The following LAMA1 variants were observed in gnomAD, a reference collection of about 807,000 sequenced individuals.
The protein encoded by LAMA1 is laminin subunit alpha 1.
Under a neutral mutation model 348.7 loss-of-function variants are expected in LAMA1, and 219 were observed. The observed-to-expected ratio is 0.63, with a 90% CI of 0.56 to 0.70. The LOEUF (loss-of-function observed/expected upper bound fraction) is 0.70, where lower values mean the gene tolerates loss of function less well. Ranked by LOEUF, LAMA1 falls within the 30% of genes least tolerant of loss-of-function variation. The probability of loss-of-function intolerance (pLI) is 0.00; values close to 1 mark genes in which losing one functional copy is unlikely to be tolerated. For synonymous variants in LAMA1, 1,487 were observed against 1,491.0 expected, an observed-to-expected ratio of 1.00 and a Z score of 0.06; for missense variants, 3,744 against 3,888.0, an observed-to-expected ratio of 0.96 and a Z score of 0.99.
At chr18:7,071,285 C>T (rs1393293560) in intron 3 of LAMA1, among the ~76,000 whole-genome samples, 4 of 152,154 alleles carry the variant, frequency 2.6e-5, no homozygotes, top group Admixed American at 6.5e-5. Flanking sequence ...TGCAAAGAGG[C>T]GATCACTCGC....
intron 3 of LAMA1, among the ~76,000 whole-genome samples, chr18:7,063,722 A>G (rs1395238365): frequency 6.6e-6 from 1 of 152,238 alleles, no homozygotes; most frequent in Non-Finnish European, 1.5e-5. Context: ...CCTTGAGGAC[A>G]TTATGTACGC....
intron 19 of LAMA1, among the ~76,000 whole-genome samples, chr18:7,021,062 C>A (rs1266540091): frequency 6.6e-6 from 1 of 152,188 alleles, no homozygotes; most frequent in South Asian, 2.1e-4. Context: ...TCTGGTCACT[C>A]TCTCTCCAGT....
At chr18:6,979,283 T>TA (rs2057697419) in intron 42 of LAMA1, among the ~76,000 whole-genome samples, 1 of 152,300 alleles carries the variant, frequency 6.6e-6, no homozygotes, top group African/African-American at 2.4e-5. Context: ...TTTCCCCAGG[T>TA]AACTTCCATG....
intron 30 of LAMA1, among the ~76,000 whole-genome samples, chr18:7,000,749 G>A (rs891585098): frequency 6.6e-6 from 1 of 152,182 alleles, no homozygotes; most frequent in Non-Finnish European, 1.5e-5. Context: ...ACCAGTTAGA[G>A]CCAAGTCTGG....
Position 7,034,463 on chromosome 18 carries a change from C to T in LAMA1, c.2051+16G>A. 2 of 1,601,676 alleles carry T rather than the reference C, an allele frequency of 1.2e-6. No homozygotes were observed. Among genetic ancestry groups the T allele is most frequent in the South Asian group, 1.1e-5 (1 of 90,758 alleles). ...GTACCTTCACCGTAAGTTTTTCCTC[C>T]ATTTTCAATACATACCTGTAAAGAG... On this transcript the variant is annotated intron_variant, in intron 14 of 62. Coordinates refer to ENST00000389658, the MANE Select transcript of LAMA1 (RefSeq NM_005559.4).
chr18:6,982,363 A>G, intron 41 of LAMA1, 134 bp downstream of exon 41: 1 of 808,496 alleles, frequency 1.2e-6, no homozygotes, highest in Non-Finnish European at 2.2e-6. Flanking sequence ...ATATGATAGG[A>G]AATTGGAATA....
chr18:7,011,375 A>G lies in LAMA1; in HGVS notation c.3612T>C (p.Asp1204=), dbSNP rs1409413799. The change falls in exon 25 of 63, where the codon GAT becomes GAC. Residue 1204 remains aspartate (D), a synonymous_variant. Transcript: ENST00000389658. ...VYYQAPDFLL[D]AATVRQHIRA... ...GGATGTGCTGCCGGACGGTGGCGGC[A>G]TCCAGCAGGAAGTCGGGGGCCTGGT... 6.2e-7 allele frequency: 1 copy of G among 1,611,696 alleles called. No homozygotes were observed. Among genetic ancestry groups the G allele is most frequent in the Admixed American group, 1.7e-5 (1 of 59,758 alleles).
chr18:6,958,650 G>C lies in LAMA1; in HGVS notation c.7791C>G (p.Val2597=), dbSNP rs1300509393. The part of the protein sequence containing the change: ...SLVRNRRIIT[V]QLDENNPVEM... The stretch of plus-strand genomic sequence containing the variant: ...CCACAGGATTGTTCTCATCCAATTG[G>C]ACAGTGATAATTCTAAAAGACCAAT... Residue 2597 remains valine, a synonymous_variant, in exon 55 of 63, where the codon GTC becomes GTG. Coordinates refer to ENST00000389658, the MANE Select transcript of LAMA1 (RefSeq NM_005559.4). The C allele has an allele frequency of 1.2e-6, 2 of 1,613,586 alleles. No individual in the cohort carries two copies. Among genetic ancestry groups the C allele is most frequent in the Non-Finnish European group, 1.7e-6 (2 of 1,179,548 alleles).
chr18:7,060,563 G>C (rs1338234082), intron 3 of LAMA1, among the ~76,000 whole-genome samples: 1 of 152,102 alleles, frequency 6.6e-6, no homozygotes, highest in African/African-American at 2.4e-5. Flanking sequence ...GACAATCTAG[G>C]AATGCTCCCT....
At chr18:7,035,428 T>A (rs2483369) in intron 13 of LAMA1, among the ~76,000 whole-genome samples, 21,019 of 136,280 alleles carry the variant, frequency 0.15, 1,585 homozygotes, top group Middle Eastern at 0.24. Flanking sequence ...TTACTTAAAA[T>A]TTTTTTTTTT....
At chr18:7,098,893 G>A (rs1258248348) in intron 1 of LAMA1, among the ~76,000 whole-genome samples, 1 of 129,964 alleles carries the variant, frequency 7.7e-6, no homozygotes, top group East Asian at 2.5e-4. Context: ...GGAGGTGAGG[G>A]GCGCCTCTGC....
rs540948887 is a variant in LAMA1 at position 6,976,483 on chromosome 18, C to T, written c.6346-403G>A. Among the ~76,000 whole-genome samples the T allele has an allele frequency of 4.6e-5, 7 of 152,212 alleles. No homozygotes were observed. In the South Asian group the frequency reaches 1.2e-3, roughly 27 times the overall value. ...GCAGATATTTATAGAGCAATTATTG[C>T]ACTTACTACATATTTCTTTGACTAG... On this transcript the variant is annotated intron_variant, in intron 44 of 62. Transcript: ENST00000389658.
In LAMA1 at chr18:7,080,338, C is replaced by T. The variant is rs147676957; in HGVS notation, c.181G>A (p.Val61Ile). ...KLVEHVPGRP[V>I]RNPQCRICDG... The stretch of plus-strand genomic sequence containing the variant: ...CAGATCCGGCACTGTGGGTTTCGGA[C>T]GGGCCGACCTGGCACATGCTCCACA... Residue 61 changes from valine (V) to isoleucine (I), a missense_variant, in exon 2 of 63, where the codon GTC (valine) becomes ATC (isoleucine). Around this residue, in one of 3 missense-constraint regions of LAMA1, gnomAD observed 1,529 missense variants for 1,689.4 expected, o/e 0.91. Transcript: ENST00000389658. 2,998 of 1,614,238 alleles carry T rather than the reference C, an allele frequency of 1.9e-3. 5 individuals are homozygous for T. Among genetic ancestry groups the T allele is most frequent in the Non-Finnish European group, 2.3e-3 (2,756 of 1,180,048 alleles).
At chr18:7,020,413 C>T (rs1489757074) in intron 19 of LAMA1, among the ~76,000 whole-genome samples, 1 of 152,168 alleles carries the variant, frequency 6.6e-6, no homozygotes, top group African/African-American at 2.4e-5. Flanking sequence ...AACACCGGCA[C>T]TTGCACTTGG....
At position 6,950,843 on chromosome 18, in the gene LAMA1, AG is replaced by A; in HGVS notation, c.8335del (p.Gly2780AlafsTer32). On this transcript the variant is annotated frameshift_variant, in exon 58 of 63. Coordinates refer to ENST00000389658, the MANE Select transcript of LAMA1 (RefSeq NM_005559.4). LOFTEE classifies it high-confidence loss of function. ...HGGRLHFMFD[L>X]GKGRTKVSHP... is the part of the protein sequence containing the mutation. ...AGAGACCTTTGTTCTGCCTTTGCCAAGGTCAAACATGAAGTGGAGGCGGCCC... is the reference window on the plus strand; with the variant it reads ...AGAGACCTTTGTTCTGCCTTTGCCAAGTCAAACATGAAGTGGAGGCGGCCC... The A allele has an allele frequency of 6.2e-7, 1 of 1,614,152 alleles. No individual in the cohort carries two copies. The highest frequency in any genetic ancestry group is 2.2e-5 in the East Asian group (1 of 44,854).
chr18:7,066,734 T>A (rs2058124382), intron 3 of LAMA1, among the ~76,000 whole-genome samples: 2 of 152,104 alleles, frequency 1.3e-5, no homozygotes, highest in African/African-American at 2.4e-5. Context: ...GAAAAGAAAA[T>A]TCTGATCTCT....
In LAMA1 at chr18:7,094,281, G is replaced by A. The variant is rs181753386; in HGVS notation, c.62-13824C>T. 1.1e-3 allele frequency among the ~76,000 whole-genome samples: 166 copies of A among 151,700 alleles called. 1 individual carries two copies. The highest frequency in any genetic ancestry group is 3.8e-3 in the African/African-American group (158 of 41,364). ...CTATTAAAAATACAAAAAATGAGCC[G>A]CGCGTGGTGGCAAGCACCTGTAGTC... On this transcript the variant is annotated intron_variant, in intron 1 of 62. Transcript: ENST00000389658.
chr18:6,966,043 A>G (rs966365211), intron 49 of LAMA1, 104 bp downstream of exon 49: 10 of 1,252,832 alleles, frequency 8.0e-6, no homozygotes, highest in Middle Eastern at 2.6e-4. Flanking sequence ...TATGGTATAC[A>G]TATGTACATA....
At chr18:7,104,449 G>T (rs1319680768) in intron 1 of LAMA1, among the ~76,000 whole-genome samples, 1 of 152,200 alleles carries the variant, frequency 6.6e-6, no homozygotes, top group East Asian at 1.9e-4. Context: ...GTGAAAAATG[G>T]TGTACTGGTC....
Sources: gnomAD v4.1 joint callset for allele counts (sites outside exome capture counted in the v4.1 genomes callset) on GRCh38, gnomAD v4.1.1 for gene constraint, gnomAD v4.1.1 regional missense constraint, MANE v1.5 for transcripts, NCBI Gene and HGNC (gene_info 2026-07-23, HGNC 2026-07-21) for gene names.